Variants in GNAO1 observed in about 807,000 individuals in gnomAD.
The protein encoded by GNAO1 is guanine nucleotide-binding protein G(o) subunit alpha.
For missense variants in GNAO1, 166 were observed against 478.7 expected (o/e 0.35, Z 6.10); for synonymous variants, 164 against 180.7 (o/e 0.91, Z 0.74).
chr16:56,192,004 G>T lies in GNAO1; in HGVS notation c.-232G>T. The T allele has an allele frequency of 2.0e-6, 1 of 491,648 alleles. No individual in the cohort carries two copies. Among genetic ancestry groups the T allele is most frequent in the South Asian group, 3.1e-5 (1 of 32,346 alleles). The allele number at this position is 491,648 out of a possible 1,614,324, so 30.5% of individuals were successfully genotyped here. On this transcript the variant is annotated 5_prime_UTR_variant, in exon 1 of 9. Coordinates refer to ENST00000262493, the MANE Select transcript of GNAO1 (RefSeq NM_020988.3). ...CCCAGACCCCGGCCACCCTCGATTC[G>T]ACAACCCCAGACCCCTGCCAGCTGC...
chr16:56,204,796 C>T (rs377426674), intron 2 of GNAO1, among the ~76,000 whole-genome samples: 1 of 152,150 alleles, frequency 6.6e-6, no homozygotes, highest in East Asian at 1.9e-4. Flanking sequence ...AACCCAAGTT[C>T]TCATCCCAGC....
intron 3 of GNAO1, among the ~76,000 whole-genome samples, chr16:56,294,255 G>T (rs1433442273): frequency 6.6e-6 from 1 of 151,604 alleles, no homozygotes; most frequent in Non-Finnish European, 1.5e-5. Context: ...CGGGATGGGG[G>T]ACCAGCATAA....
rs2037456892 is a variant in GNAO1 at position 56,311,384 on chromosome 16, C to CT, written c.304-17246dup. The stretch of plus-strand genomic sequence containing the variant: ...GTGCCAACCTCTCACCCAGTGAGCC[C>CT]TGTGCAGCTCTTCCCCAGCAGAGGG... On this transcript the variant is annotated intron_variant, in intron 3 of 8. Transcript: ENST00000262493. The surrounding 1 kb of genome is among the most constrained non-coding windows in gnomAD (Gnocchi z 5.2). 6.6e-6 allele frequency among the ~76,000 whole-genome samples: 1 copy of CT among 152,134 alleles called. No homozygotes were observed. Among genetic ancestry groups the CT allele is most frequent in the Admixed American group, 6.5e-5 (1 of 15,286 alleles).
chr16:56,293,387 T>C (rs1567472266), intron 3 of GNAO1, among the ~76,000 whole-genome samples: 1 of 152,184 alleles, frequency 6.6e-6, no homozygotes. Context: ...AGAGCCCACC[T>C]GAAAATTCAT....
intron 3 of GNAO1, among the ~76,000 whole-genome samples, chr16:56,292,257 G>A (rs935316679): frequency 6.6e-6 from 1 of 152,168 alleles, no homozygotes; most frequent in African/African-American, 2.4e-5. Context: ...CTGTGCCCAC[G>A]TGCTGGATGC....
rs1331690209 is a variant in GNAO1 at position 56,334,820 on chromosome 16, G to A, written c.556G>A (p.Val186Ile). The A allele has an allele frequency of 4.3e-6, 7 of 1,613,926 alleles. No individual in the cohort carries two copies. The highest frequency in any genetic ancestry group is 2.2e-5 in the East Asian group (1 of 44,898). ...AACCAGGGTCAAAACCACTGGCATC[G>A]TAGAAACCCACTTCACATTCAAGAA... ...LRTRVKTTGI[V>I]ETHFTFKNLH... Residue 186 changes from valine (V) to isoleucine (I), a missense_variant, in exon 5 of 9, where the codon GTA (valine) becomes ATA (isoleucine). Coordinates refer to ENST00000262493, the MANE Select transcript of GNAO1 (RefSeq NM_020988.3).
intron 6 of GNAO1, chr16:56,345,942 C>A: frequency 1.0e-6 from 1 of 985,560 alleles, no homozygotes; most frequent in Non-Finnish European, 1.2e-6. Context: ...CTCCATGTCC[C>A]CCAGCAGCCG....
At chr16:56,338,683 C>T (rs2037767515) in intron 6 of GNAO1, among the ~76,000 whole-genome samples, 1 of 152,240 alleles carries the variant, frequency 6.6e-6, no homozygotes, top group Admixed American at 6.5e-5. Flanking sequence ...AACCCAAGTC[C>T]CAGGCCCACC....
At chr16:56,304,202 A>G (rs2037371312) in intron 3 of GNAO1, among the ~76,000 whole-genome samples, 1 of 152,208 alleles carries the variant, frequency 6.6e-6, no homozygotes, top group Admixed American at 6.5e-5. Flanking sequence ...GGGAGAGCAG[A>G]GACCCTGCTG....
chr16:56,247,078 A>G (rs1317989741), intron 2 of GNAO1, among the ~76,000 whole-genome samples: 1 of 152,044 alleles, frequency 6.6e-6, no homozygotes, highest in Non-Finnish European at 1.5e-5. Context: ...AGTCTAATCC[A>G]CTGTCCACCT....
intron 2 of GNAO1, among the ~76,000 whole-genome samples, chr16:56,262,886 C>G (rs77437198): frequency 6.6e-6 from 1 of 152,212 alleles, no homozygotes; most frequent in Non-Finnish European, 1.5e-5. Flanking sequence ...GTGAGGAGGA[C>G]TCAGCAGCCA....
chr16:56,319,924 C>T (rs1481970421), intron 3 of GNAO1, among the ~76,000 whole-genome samples: 1 of 152,148 alleles, frequency 6.6e-6, no homozygotes, highest in Non-Finnish European at 1.5e-5. Flanking sequence ...TTCTCTGGAG[C>T]CTTGAGCTTC....
chr16:56,243,432 G>C (rs1431171126), intron 2 of GNAO1, among the ~76,000 whole-genome samples: 1 of 152,060 alleles, frequency 6.6e-6, no homozygotes, highest in Non-Finnish European at 1.5e-5. Flanking sequence ...TCTGATCAGG[G>C]ATTTGTGCCC....
chr16:56,274,738 A>G (rs1433551982), intron 2 of GNAO1, among the ~76,000 whole-genome samples: 1 of 152,182 alleles, frequency 6.6e-6, no homozygotes, highest in African/African-American at 2.4e-5. Flanking sequence ...CAAAATGTAG[A>G]TCAGTGGTTG....
intron 2 of GNAO1, among the ~76,000 whole-genome samples, chr16:56,246,813 C>G (rs2036749405): frequency 6.6e-6 from 1 of 152,184 alleles, no homozygotes; most frequent in African/African-American, 2.4e-5. Context: ...CTCCTCTCCC[C>G]TCCCTGGGTG....
At chr16:56,224,682 T>C (rs2036519247) in intron 2 of GNAO1, among the ~76,000 whole-genome samples, 1 of 152,218 alleles carries the variant, frequency 6.6e-6, no homozygotes, top group Non-Finnish European at 1.5e-5. Context: ...GGTTTCACCA[T>C]GTTAGCCAGG....
intron 2 of GNAO1, among the ~76,000 whole-genome samples, chr16:56,268,175 G>A (rs1314951449): frequency 6.6e-6 from 1 of 152,200 alleles, no homozygotes; most frequent in African/African-American, 2.4e-5. Context: ...GACTATTTCT[G>A]TGTGGGCTCT....
chr16:56,230,574 C>A (rs994398225), intron 2 of GNAO1, among the ~76,000 whole-genome samples: 3 of 152,050 alleles, frequency 2.0e-5, no homozygotes, highest in Non-Finnish European at 2.9e-5. Flanking sequence ...TGTATATAAA[C>A]CTGTGTTCTG....
At chr16:56,228,689 G>T (rs1488370887) in intron 2 of GNAO1, among the ~76,000 whole-genome samples, 6 of 152,102 alleles carry the variant, frequency 3.9e-5, no homozygotes, top group Admixed American at 1.3e-4. Context: ...AGAAAACTTG[G>T]CTCCAAGCCC....
Sources: allele counts gnomAD v4.1 joint callset (sites outside exome capture counted in the v4.1 genomes callset), GRCh38; gene constraint gnomAD v4.1.1; non-coding constraint Gnocchi (gnomAD v3.1); transcripts MANE v1.5; gene names NCBI Gene and HGNC (gene_info 2026-07-23, HGNC 2026-07-21).